The following APOB variants were observed in gnomAD, a reference collection of about 807,000 sequenced individuals.
APOB encodes apolipoprotein B, also known as apolipoprotein B-100.
APOB carries 153 observed loss-of-function variants against 314.1 expected under a neutral mutation model. The observed-to-expected ratio is 0.49, with a 90% confidence interval of 0.43 to 0.56. APOB has a LOEUF of 0.56. Ranked by LOEUF, APOB falls within the 20% of genes least tolerant of loss-of-function variation. The pLI is 0.00. For missense variants in APOB, 5,430 were observed against 5,350.7 expected, an observed-to-expected ratio of 1.01 and a Z score of -0.46; for synonymous variants, 2,087 against 2,036.4, an observed-to-expected ratio of 1.02 and a Z score of -0.67.
rs12713558 is a variant in APOB, at chr2:21,006,167, C to T, written c.10701G>A (p.Thr3567=). 4.0e-3 allele frequency: 6,399 copies of T among 1,613,940 alleles called. 200 individuals carry two copies. In the African/African-American group the frequency reaches 0.073, roughly 18 times the overall value. The change falls in exon 26 of 29, where the codon ACG becomes ACA. Residue 3567 remains threonine (T), a synonymous_variant. Transcript: ENST00000233242. Reference sequence around the variant, plus strand: ...GGCCCTCTAGCTGTAAGTGGTTTTTCGTACTGTGCTCCCAGAGGGAATATA... The same window carrying T: ...GGCCCTCTAGCTGTAAGTGGTTTTTTGTACTGTGCTCCCAGAGGGAATATA... ...QRIYSLWEHS[T]KNHLQLEGLF...
At position 21,015,499 on chromosome 2, in the gene APOB, G is replaced by T; in HGVS notation, c.3379C>A (p.Pro1127Thr). The T allele has an allele frequency of 6.2e-7, 1 of 1,614,000 alleles. No homozygotes were observed. The highest frequency in any genetic ancestry group is 8.5e-7 in the Non-Finnish European group (1 of 1,180,018). Residue 1127 changes from proline (P) to threonine (T), a missense_variant, in exon 22 of 29, where the codon CCC (proline) becomes ACC (threonine). Coordinates refer to ENST00000233242, the MANE Select transcript of APOB (RefSeq NM_000384.3). ...ERKIKGVISI[P>T]RLQAEARSEI... ...CTTCTGGCTTCTGCTTGCAAACGGG[G>T]TATGGAAATAACACCCTTGATTTTT...
In APOB at chr2:21,010,276, T is replaced by C. The variant is rs1423439118; in HGVS notation, c.6592A>G (p.Ile2198Val). 2.6e-6 allele frequency: 4 copies of C among 1,552,768 alleles called. No individual in the cohort carries two copies. Among genetic ancestry groups the C allele is most frequent in the Non-Finnish European group, 3.5e-6 (4 of 1,150,716 alleles). The change falls in exon 26 of 29, where the codon ATT becomes GTT. Residue 2198 changes from isoleucine to valine, a missense_variant. Physicochemically the swap from Ile to Val is conservative, Grantham distance 29 (BLOSUM62 3). Transcript: ENST00000233242. ...SYDLHDLKIAIANIIDEIIEK... is the reference protein window; with the variant it reads ...SYDLHDLKIAVANIIDEIIEK... ...ATGATTTCATCAATAATATTAGCAA[T>C]AGCTATTTTCAAATCATGTAAATCA...
In APOB at chr2:21,002,731, C is replaced by T. The variant is rs752747528; in HGVS notation, c.12691G>A (p.Val4231Ile). ...GAACCATTATGGACTTTCGAATATA[C>T]CTGGGACAGTACCGTCCCTACCTCC... is the stretch of plus-strand genomic sequence containing the variant. ...IREVGTVLSQ[V>I]YSKVHNGSEI... The change falls in exon 29 of 29, where the codon GTA (valine) becomes ATA (isoleucine). Residue 4231 changes from valine (V) to isoleucine (I), a missense_variant. Coordinates refer to ENST00000233242, the MANE Select transcript of APOB (RefSeq NM_000384.3). The T allele has an allele frequency of 6.2e-7, 1 of 1,612,860 alleles. No individual in the cohort carries two copies. Among genetic ancestry groups the T allele is most frequent in the South Asian group, 1.1e-5 (1 of 90,862 alleles).
At chr2:21,036,893 G>A (rs372130875) in intron 6 of APOB, among the ~76,000 whole-genome samples, 3 of 152,284 alleles carry the variant, frequency 2.0e-5, no homozygotes, top group Admixed American at 6.5e-5. Context: ...GGAGGGAGGA[G>A]CCTGACTCAA....
Position 21,002,358 on chromosome 2 carries a change from T to G in APOB, c.13064A>C (p.Asn4355Thr). 1 of 1,609,220 alleles carries G rather than the reference T, an allele frequency of 6.2e-7. No homozygotes were observed. Among genetic ancestry groups the G allele is most frequent in the Non-Finnish European group, 8.5e-7 (1 of 1,178,212 alleles). The change falls in exon 29 of 29, where the codon AAT (asparagine) becomes ACT (threonine). Residue 4355 changes from asparagine (N) to threonine (T), a missense_variant. Asn to Thr is a moderately conservative substitution (Grantham distance 65). Coordinates refer to ENST00000233242, the MANE Select transcript of APOB (RefSeq NM_000384.3). The stretch of plus-strand genomic sequence containing the variant: ...AATAAATTCATTGAACTTATGAAGA[T>G]TAAGGCATAGGTTTTCTTTCAACAA... ...FKLLKENLCL[N>T]LHKFNEFIQN...
In APOB at chr2:21,012,065, T is replaced by C; in HGVS notation, c.4803A>G (p.Glu1601=). ...TCAATGACTCGTAATCAGCCTGATA[T>C]TCAGAACGCAGCAGTGCATTTTGCT... is the stretch of plus-strand genomic sequence containing the variant. The part of the protein sequence containing the change: ...FSKQNALLRS[E]YQADYESLRF... Residue 1601 remains glutamate (E), a synonymous_variant, in exon 26 of 29, where the codon GAA becomes GAG. Transcript: ENST00000233242. 6.2e-7 allele frequency: 1 copy of C among 1,614,240 alleles called. No homozygotes were observed. Among genetic ancestry groups the C allele is most frequent in the Non-Finnish European group, 8.5e-7 (1 of 1,180,036 alleles).
Position 21,009,584 on chromosome 2 carries a change from C to A in APOB, c.7284G>T (p.Lys2428Asn). The A allele has an allele frequency of 1.2e-6, 2 of 1,613,896 alleles. No homozygotes were observed. Among genetic ancestry groups the A allele is most frequent in the Non-Finnish European group, 1.7e-6 (2 of 1,179,870 alleles). The change falls in exon 26 of 29, where the codon AAG (lysine) becomes AAT (asparagine). Residue 2428 changes from lysine to asparagine, a missense_variant. Lys to Asn is a moderately conservative substitution (Grantham distance 94). Coordinates refer to ENST00000233242, the MANE Select transcript of APOB (RefSeq NM_000384.3). The part of the protein sequence containing the change: ...KFLDMLIKKL[K>N]SFDYHQFVDE... The stretch of plus-strand genomic sequence containing the variant: ...CTACAAACTGGTGGTAATCAAATGA[C>A]TTTAATTTCTTTATCAACATGTCAA...
intron 20 of APOB, among the ~76,000 whole-genome samples, chr2:21,018,323 C>T (rs996656128): frequency 2.6e-5 from 4 of 152,166 alleles, no homozygotes; most frequent in Non-Finnish European, 5.9e-5. Flanking sequence ...ATCATGAGGA[C>T]TCCCCAATGG....
In APOB at chr2:21,005,879, T is replaced by C. The variant is rs1433939132; in HGVS notation, c.10989A>G (p.Gly3663=). The C allele has an allele frequency of 1.2e-6, 2 of 1,614,010 alleles. No individual in the cohort carries two copies. The highest frequency in any genetic ancestry group is 2.2e-5 in the South Asian group (2 of 91,078). Residue 3663 remains glycine, a synonymous_variant, in exon 26 of 29, where the codon GGA becomes GGG. Transcript: ENST00000233242. ...GGAACCTTAGGTGTCCTTCTAAGGA[T>C]CCTGCAATGTCAAGGTGTGCCTTTT... ...DQEKAHLDIA[G]SLEGHLRFLK...
chr2:21,039,072 G>A (rs990278388), intron 4 of APOB, among the ~76,000 whole-genome samples: 1 of 152,064 alleles, frequency 6.6e-6, no homozygotes, highest in Non-Finnish European at 1.5e-5. Flanking sequence ...ATCCTTATGT[G>A]CCTATCTTCA....
At chr2:21,004,171 G>T in intron 28 of APOB, 98 bp downstream of exon 28, 1 of 1,344,854 alleles carries the variant, frequency 7.4e-7, no homozygotes, top group African/African-American at 1.4e-5. Context: ...CTTTCACCTA[G>T]TTTGGGGAAT....
At chr2:21,028,306 G>C in intron 13 of APOB, 21 bp downstream of exon 13, 2 of 1,590,058 alleles carry the variant, frequency 1.3e-6, no homozygotes, top group Non-Finnish European at 1.7e-6. Context: ...GTGGTATATG[G>C]GGTGAATAGC....
At chr2:21,035,955 T>C (rs1663992851) in intron 6 of APOB, among the ~76,000 whole-genome samples, 1 of 152,208 alleles carries the variant, frequency 6.6e-6, no homozygotes, top group Non-Finnish European at 1.5e-5. Context: ...ATCCTCCACA[T>C]GCCCATCCCA....
At position 21,008,651 on chromosome 2, in the gene APOB, T is replaced by C. The variant is rs1441793600; in HGVS notation, c.8217A>G (p.Pro2739=). 4 of 1,613,938 alleles carry C rather than the reference T, an allele frequency of 2.5e-6. No homozygotes were observed. The highest frequency in any genetic ancestry group is 3.4e-6 in the Non-Finnish European group (4 of 1,179,960). The change falls in exon 26 of 29, where the codon CCA becomes CCG. Residue 2739 remains proline, a synonymous_variant. Coordinates refer to ENST00000233242, the MANE Select transcript of APOB (RefSeq NM_000384.3). ...NDFQVPDLHI[P]EFQLPHISHT... The stretch of plus-strand genomic sequence containing the variant: ...GTGAGATGTGGGGAAGCTGGAATTC[T>C]GGTATGTGAAGGTCAGGAACTTGAA...
Position 21,009,010 on chromosome 2 carries a change from G to T in APOB, c.7858C>A (p.Pro2620Thr). Residue 2620 changes from proline to threonine, a missense_variant, in exon 26 of 29, where the codon CCC becomes ACC. By Grantham distance (38) the Pro-to-Thr change is conservative. This residue lies in a region of APOB where 3,281 missense variants were observed against 3,171.0 expected (regional missense o/e 1.03). Coordinates refer to ENST00000233242, the MANE Select transcript of APOB (RefSeq NM_000384.3). ...GATGGAATCCTCAAATCTGTTAGGG[G>T]GACTATAAAATCAGGTGTCTGGAAG... ...ATFQTPDFIVPLTDLRIPSVQ... is the reference protein window; with the variant it reads ...ATFQTPDFIVTLTDLRIPSVQ... The T allele has an allele frequency of 6.2e-7, 1 of 1,614,006 alleles. No individual in the cohort carries two copies. The highest frequency in any genetic ancestry group is 8.5e-7 in the Non-Finnish European group (1 of 1,179,950).
chr2:21,002,922 A>C lies in APOB; in HGVS notation c.12500T>G (p.Leu4167Arg). 1.2e-6 allele frequency: 2 copies of C among 1,613,452 alleles called. No individual in the cohort carries two copies. Among genetic ancestry groups the C allele is most frequent in the Non-Finnish European group, 1.7e-6 (2 of 1,179,718 alleles). ...TQEGQASFQG[L>R]KDNVFDGLVR... The stretch of plus-strand genomic sequence containing the variant: ...CAAGCCATCAAACACGTTATCCTTG[A>C]GTCCCTGGAAACTGGCTTGGCCTTC... The change falls in exon 29 of 29, where the codon CTC becomes CGC. Residue 4167 changes from leucine to arginine, a missense_variant. Transcript: ENST00000233242.
Position 21,011,006 on chromosome 2 carries a change from G to A in APOB, c.5862C>T (p.Leu1954=), listed in dbSNP as rs757152578. The A allele has an allele frequency of 1.4e-5, 23 of 1,614,012 alleles. No individual in the cohort carries two copies. Among genetic ancestry groups the A allele is most frequent in the African/African-American group, 1.3e-4 (10 of 74,912 alleles). ...CTGCACTGATGCTTTTCCTAGACAC[G>A]AGATGATGACTTGTGGAGCCTTTGT... is the stretch of plus-strand genomic sequence containing the variant. ...HDYKGSTSHH[L]VSRKSISAAL... is the part of the protein sequence containing the mutation. The change falls in exon 26 of 29, where the codon CTC becomes CTT. Residue 1954 remains leucine (L), a synonymous_variant. Coordinates refer to ENST00000233242, the MANE Select transcript of APOB (RefSeq NM_000384.3).
At chr2:21,033,575 T>C in intron 8 of APOB, 57 bp from the exon 9 acceptor site, 1 of 1,442,392 alleles carries the variant, frequency 6.9e-7, no homozygotes, top group South Asian at 1.1e-5. Context: ...ACCATATCTT[T>C]GTCTACTGGA....
Position 21,012,462 on chromosome 2 carries a change from A to C in APOB, c.4406T>G (p.Val1469Gly). The C allele has an allele frequency of 2.5e-6, 4 of 1,614,208 alleles. No homozygotes were observed. The African/African-American group carries it at 4.0e-5, about 16-fold the overall frequency. ...SSWGPQMSASVHLDSKKKQHL... is the reference protein window; with the variant it reads ...SSWGPQMSASGHLDSKKKQHL... ...CTGTTTCTTTTTGGAGTCCAAATGA[A>C]CTGAAGCAGACATCTGTGGTCCCCA... The change falls in exon 26 of 29, where the codon GTT becomes GGT. Residue 1469 changes from valine (V) to glycine (G), a missense_variant. By Grantham distance (109) the Val-to-Gly change is moderately radical. This residue lies in a region of APOB where 2,085 missense variants were observed against 2,079.7 expected (regional missense o/e 1.00). Coordinates refer to ENST00000233242, the MANE Select transcript of APOB (RefSeq NM_000384.3).
Sources: allele counts gnomAD v4.1 joint callset (sites outside exome capture counted in the v4.1 genomes callset), GRCh38; gene constraint gnomAD v4.1.1; regional missense constraint gnomAD v4.1.1; transcripts MANE v1.5; gene names NCBI Gene and HGNC (gene_info 2026-07-23, HGNC 2026-07-21).